The following PTPRN2 variants were observed in gnomAD, a reference collection of about 807,000 sequenced individuals.
PTPRN2 encodes protein tyrosine phosphatase receptor type N2.
In PTPRN2, 74 loss-of-function variants were observed where a neutral mutation model predicts 118.8. The ratio of observed to expected loss-of-function variants is 0.62; its 90% CI spans 0.52 to 0.76. PTPRN2 has a LOEUF of 0.76. PTPRN2 is among the 30% of genes least tolerant of loss of function. PTPRN2 has a pLI of 0.00. For synonymous variants in PTPRN2, 641 were observed against 608.0 expected (o/e 1.05, Z -0.80); for missense variants, 1,481 against 1,394.4 (o/e 1.06, Z -0.99).
chr7:157,608,574 T>C (rs1802142815), intron 15 of PTPRN2, among the ~76,000 whole-genome samples: 1 of 152,182 alleles, frequency 6.6e-6, no homozygotes. Context: ...ATGAGATGTT[T>C]TGAGAGCAAA....
In PTPRN2 at chr7:157,898,674, G is replaced by C. The variant is rs528832929; in HGVS notation, c.1787C>G (p.Ser596Trp). Reference sequence around the variant, plus strand: ...GACGGCACCCCTTCTGTTACTCACCGACCCGACTCCGGTTTGAAGAATTTT... The same window carrying C: ...GACGGCACCCCTTCTGTTACTCACCCACCCGACTCCGGTTTGAAGAATTTT... ...GLKILQTGVGSKSKLKFLPPQ... is the reference protein window; with the variant it reads ...GLKILQTGVGWKSKLKFLPPQ... The change falls in exon 12 of 23, where the codon TCG (serine) becomes TGG (tryptophan). Residue 596 changes from serine (S) to tryptophan (W), a missense_variant and splice_region_variant. Transcript: ENST00000389418. 3 of 1,593,802 alleles carry C rather than the reference G, an allele frequency of 1.9e-6. No individual in the cohort carries two copies. Among genetic ancestry groups the C allele is most frequent in the Non-Finnish European group, 2.6e-6 (3 of 1,161,478 alleles).
chr7:158,282,274 C>G (rs1371886879), intron 3 of PTPRN2, among the ~76,000 whole-genome samples: 1 of 151,102 alleles, frequency 6.6e-6, no homozygotes, highest in East Asian at 2.0e-4. Flanking sequence ...CTGGTCTTTT[C>G]CGTCTGTCTT....
At chr7:157,721,476 C>T (rs758974983) in intron 12 of PTPRN2, among the ~76,000 whole-genome samples, 9 of 152,364 alleles carry the variant, frequency 5.9e-5, no homozygotes, top group Admixed American at 2.0e-4. Flanking sequence ...CATCTCCACA[C>T]GTCGAGAGCT....
chr7:158,044,407 G>A (rs954653589), intron 11 of PTPRN2, among the ~76,000 whole-genome samples: 2 of 152,166 alleles, frequency 1.3e-5, no homozygotes, highest in African/African-American at 4.8e-5. Context: ...CACCTGCATA[G>A]GAATTCATAA....
At chr7:157,756,792 GA>G (rs35163250) in intron 12 of PTPRN2, among the ~76,000 whole-genome samples, 5,586 of 133,830 alleles carry the variant, frequency 0.042, 178 homozygotes, top group South Asian at 0.12. Flanking sequence ...GAGAAGGGAG[GA>G]AAAAAAAAAA....
chr7:158,071,781 GTGGTGGTGGAGGTGCTCC>G (rs1811849037), intron 11 of PTPRN2, among the ~76,000 whole-genome samples: 1 of 121,854 alleles, frequency 8.2e-6, no homozygotes, highest in African/African-American at 3.6e-5. Flanking sequence ...GGAGGTGCTT[GTGGTGGTGGAGGTGCTCC>G]TGGTGGAGGT....
chr7:158,443,257 C>T (rs142371397), intron 2 of PTPRN2, among the ~76,000 whole-genome samples: 2,175 of 152,280 alleles, frequency 0.014, 31 homozygotes, highest in South Asian at 0.047. Flanking sequence ...GCGGCTCCCG[C>T]GGCTCCAGGG....
rs1813483423 is a variant in PTPRN2 at position 157,611,925 on chromosome 7, G to C, written c.2345-7850C>G. ...ACACGCGGAGGGAGAGCGCCCGTGT[G>C]AAGACGAAGACAGCCGTGGTCGTGC... On this transcript the variant is annotated intron_variant, in intron 15 of 22. Coordinates refer to ENST00000389418, the MANE Select transcript of PTPRN2 (RefSeq NM_002847.5). The surrounding 1 kb of genome is among the most constrained non-coding windows in gnomAD (Gnocchi z 5.9). 6.6e-6 allele frequency among the ~76,000 whole-genome samples: 1 copy of C among 152,168 alleles called. No homozygotes were observed. Among genetic ancestry groups the C allele is most frequent in the South Asian group, 2.1e-4 (1 of 4,834 alleles).
rs771199214 is a variant in PTPRN2, at chr7:157,801,197, GCTACA to G, written c.1788+97471_1788+97475del. On this transcript the variant is annotated intron_variant, in intron 12 of 22. Coordinates refer to ENST00000389418, the MANE Select transcript of PTPRN2 (RefSeq NM_002847.5). The surrounding 1 kb of genome is among the most constrained non-coding windows in gnomAD (Gnocchi z 4.2). Reference sequence around the variant, plus strand: ...CGTCTTGTGCCTCTCATCTGATTCCGCTACACGGTGCAAGTTACGCCAGACCAGAA... The same window carrying G: ...CGTCTTGTGCCTCTCATCTGATTCCGCGGTGCAAGTTACGCCAGACCAGAA... Among the ~76,000 whole-genome samples the G allele has an allele frequency of 2.0e-5, 3 of 151,956 alleles. No homozygotes were observed. The highest frequency in any genetic ancestry group is 2.1e-4 in the South Asian group (1 of 4,814).
intron 6 of PTPRN2, among the ~76,000 whole-genome samples, chr7:158,157,207 C>T (rs186912062): frequency 3.9e-5 from 6 of 152,382 alleles, no homozygotes; most frequent in African/African-American, 7.2e-5. Context: ...GAAGGCCTCC[C>T]CCTTGGAGCC....
At chr7:157,962,788 C>T (rs1801639902) in intron 11 of PTPRN2, among the ~76,000 whole-genome samples, 1 of 152,134 alleles carries the variant, frequency 6.6e-6, no homozygotes, top group Non-Finnish European at 1.5e-5. Context: ...CAGCCTCACC[C>T]CAGAAGGAAT....
At chr7:158,545,110 A>G (rs1826206374) in intron 1 of PTPRN2, among the ~76,000 whole-genome samples, 1 of 152,216 alleles carries the variant, frequency 6.6e-6, no homozygotes, top group African/African-American at 2.4e-5. Flanking sequence ...TCTCACTTCC[A>G]GCCTCAACAT....
chr7:157,580,471 C>CCCA, intron 17 of PTPRN2, among the ~76,000 whole-genome samples: 1 of 149,982 alleles, frequency 6.7e-6, no homozygotes, highest in South Asian at 2.1e-4. Context: ...ACCTGCACAC[C>CCCA]GCAGCACCTG....
intron 15 of PTPRN2, chr7:157,616,919 G>T (rs556001680): frequency 5.3e-5 from 8 of 152,196 alleles, no homozygotes; most frequent in African/African-American, 1.9e-4. Flanking sequence ...TCTAAGGAAA[G>T]CTATGCTTAG....
intron 6 of PTPRN2, among the ~76,000 whole-genome samples, chr7:158,145,983 T>A (rs546691311): frequency 6.6e-6 from 1 of 152,346 alleles, no homozygotes; most frequent in African/African-American, 2.4e-5. Flanking sequence ...GGGCCCAGCA[T>A]ACTGTAAGTG....
chr7:158,332,800 A>G (rs1207178941), intron 2 of PTPRN2, among the ~76,000 whole-genome samples: 1 of 151,560 alleles, frequency 6.6e-6, no homozygotes. Context: ...TGATGCCTGC[A>G]GACGTCACTC....
At chr7:158,245,169 T>C (rs934161334) in intron 3 of PTPRN2, among the ~76,000 whole-genome samples, 1 of 142,642 alleles carries the variant, frequency 7.0e-6, no homozygotes, top group Non-Finnish European at 1.5e-5. Context: ...CATGCCGGAA[T>C]CCATGGCCAT....
intron 12 of PTPRN2, among the ~76,000 whole-genome samples, chr7:157,703,982 C>T (rs1054313267): frequency 2.0e-5 from 3 of 152,176 alleles, no homozygotes; most frequent in Non-Finnish European, 2.9e-5. Flanking sequence ...CCAAAGCTGA[C>T]GGCCTCTGTT....
At chr7:157,943,825 C>T (rs1800296076) in intron 11 of PTPRN2, among the ~76,000 whole-genome samples, 1 of 152,204 alleles carries the variant, frequency 6.6e-6, no homozygotes. Context: ...CTCCTGTCTC[C>T]TTTCAGGAAG....
Sources: gnomAD v4.1 joint callset for allele counts (sites outside exome capture counted in the v4.1 genomes callset) on GRCh38, gnomAD v4.1.1 for gene constraint, Gnocchi (gnomAD v3.1) non-coding constraint, MANE v1.5 for transcripts, NCBI Gene and HGNC (gene_info 2026-07-23, HGNC 2026-07-21) for gene names.